The following CERS4 variants were observed in gnomAD, a reference collection of about 807,000 sequenced individuals.
The protein encoded by CERS4 is LAG1 homolog, ceramide synthase 4.
CERS4 carries 65 observed loss-of-function variants against 51.8 expected under a neutral mutation model. That is an observed-to-expected ratio of 1.26 (90% CI 1.03 to 1.54). The LOEUF (loss-of-function observed/expected upper bound fraction) is 1.54. Ranked by LOEUF, CERS4 falls within the 40% of genes most tolerant of loss-of-function variation. The probability of loss-of-function intolerance (pLI) is 0.00; values close to 1 mark genes in which losing one functional copy is unlikely to be tolerated. For synonymous variants in CERS4, 228 were observed against 208.4 expected, an observed-to-expected ratio of 1.09 and a Z score of -0.81; for missense variants, 563 against 500.4, an observed-to-expected ratio of 1.13 and a Z score of -1.19.
intron 3 of CERS4, among the ~76,000 whole-genome samples, 177 bp from the exon 4 acceptor site, chr19:8,254,322 C>CAAAAAAAAA (rs74176633): frequency 0.17 from 6,519 of 38,436 alleles, 1,988 homozygotes; most frequent in Middle Eastern, 0.36. Flanking sequence ...TACTCTGTCT[C>CAAAAAAAAA]AAAAAAAAAA....
At chr19:8,238,229 A>C (rs1348109089) in intron 2 of CERS4, among the ~76,000 whole-genome samples, 1 of 152,064 alleles carries the variant, frequency 6.6e-6, no homozygotes, top group African/African-American at 2.4e-5. Context: ...ACTTAGAGGC[A>C]GACTTGAATA....
At chr19:8,248,049 T>C (rs1968868260) in intron 2 of CERS4, among the ~76,000 whole-genome samples, 1 of 152,156 alleles carries the variant, frequency 6.6e-6, no homozygotes, top group Non-Finnish European at 1.5e-5. Flanking sequence ...ACCTCATCTT[T>C]AAGTCCCAGC....
intron 2 of CERS4, among the ~76,000 whole-genome samples, chr19:8,243,747 G>A (rs1296646956): frequency 6.6e-6 from 1 of 151,318 alleles, no homozygotes; most frequent in African/African-American, 2.4e-5. Context: ...GCCACTCACT[G>A]ACAAGTCCTA....
At chr19:8,245,754 GGTCTCA>G (rs1487362836) in intron 2 of CERS4, among the ~76,000 whole-genome samples, 3 of 151,470 alleles carry the variant, frequency 2.0e-5, no homozygotes, top group Non-Finnish European at 4.4e-5. Context: ...TGGCCAGGCT[GGTCTCA>G]AACTCCTGAT....
intron 5 of CERS4, 22 bp downstream of exon 5, chr19:8,255,747 T>C (rs1369349881): frequency 1.5e-6 from 2 of 1,317,304 alleles, no homozygotes; most frequent in Non-Finnish European, 1.0e-6. Flanking sequence ...ATGGGGCTTC[T>C]GGGGTGCAGG....
intron 2 of CERS4, among the ~76,000 whole-genome samples, chr19:8,218,446 C>CT (rs1296916103): frequency 1.3e-5 from 2 of 152,168 alleles, no homozygotes; most frequent in African/African-American, 4.8e-5. Context: ...AGCAACATTC[C>CT]TAAAATTGAA....
chr19:8,260,973 AAAAAC>A (rs1969664620), intron 10 of CERS4: 1 of 150,802 alleles, frequency 6.6e-6, no homozygotes, highest in Non-Finnish European at 1.5e-5. Flanking sequence ...AAAAAAAAAA[AAAAAC>A]AAGAACCACA....
intron 2 of CERS4, among the ~76,000 whole-genome samples, chr19:8,229,229 C>G (rs188719458): frequency 2.5e-4 from 38 of 152,130 alleles, no homozygotes; most frequent in Admixed American, 4.6e-4. Context: ...GGGAGCTGAG[C>G]TGGGAGTATC....
intron 2 of CERS4, among the ~76,000 whole-genome samples, chr19:8,219,508 T>A (rs964125749): frequency 2.6e-5 from 4 of 151,816 alleles, no homozygotes; most frequent in Non-Finnish European, 4.4e-5. Flanking sequence ...CTATAAAAAA[T>A]ATATATTTTA....
At chr19:8,244,080 A>G (rs766069008) in intron 2 of CERS4, among the ~76,000 whole-genome samples, 14 of 152,234 alleles carry the variant, frequency 9.2e-5, no homozygotes, top group Non-Finnish European at 1.9e-4. Context: ...AGACGGAGGC[A>G]GGAGAGACAC....
chr19:8,211,568 G>A (rs1010630142), intron 2 of CERS4, among the ~76,000 whole-genome samples: 1 of 152,164 alleles, frequency 6.6e-6, no homozygotes, highest in African/African-American at 2.4e-5. Context: ...AAAATATCAC[G>A]AGAATATCAC....
intron 2 of CERS4, among the ~76,000 whole-genome samples, chr19:8,244,732 T>G (rs1005674521): frequency 5.9e-5 from 9 of 152,128 alleles, no homozygotes; most frequent in Non-Finnish European, 1.5e-5. Context: ...ATTCTCCTGC[T>G]GGGAGTGTAA....
At chr19:8,239,126 G>A (rs567239894) in intron 2 of CERS4, among the ~76,000 whole-genome samples, 4 of 151,958 alleles carry the variant, frequency 2.6e-5, no homozygotes, top group Non-Finnish European at 5.9e-5. Context: ...TTGTGGCCAG[G>A]TGTGGTGGCT....
chr19:8,259,862 G>A (rs1969587163), intron 10 of CERS4, among the ~76,000 whole-genome samples: 2 of 152,152 alleles, frequency 1.3e-5, no homozygotes, highest in South Asian at 2.1e-4. Flanking sequence ...GAGAGTCTCA[G>A]TCCTCGGGCT....
chr19:8,247,364 A>G (rs1170486486), intron 2 of CERS4, among the ~76,000 whole-genome samples: 1 of 151,396 alleles, frequency 6.6e-6, no homozygotes, highest in Non-Finnish European at 1.5e-5. Context: ...CCTGCTGCGT[A>G]TTTATCTAGA....
At position 8,256,201 on chromosome 19, in the gene CERS4, C is replaced by CA. The variant is rs767750475; in HGVS notation, c.469-34dup. Reference sequence around the variant, plus strand: ...GACCCAGGGTGGGAGGTTGGATTCTCACCTCTGCACAGCCTGACACCCATT... The same window carrying CA: ...GACCCAGGGTGGGAGGTTGGATTCTCAACCTCTGCACAGCCTGACACCCATT... On this transcript the variant is annotated intron_variant, in intron 6 of 11. Coordinates refer to ENST00000251363, the MANE Select transcript of CERS4 (RefSeq NM_024552.3). 9.4e-6 allele frequency: 15 copies of CA among 1,597,430 alleles called. No homozygotes were observed. In the East Asian group the frequency reaches 3.4e-4, roughly 36 times the overall value.
intron 2 of CERS4, among the ~76,000 whole-genome samples, chr19:8,233,460 C>T (rs182860361): frequency 1.3e-4 from 20 of 152,104 alleles, no homozygotes; most frequent in Admixed American, 1.1e-3. Context: ...AGCCACCGTG[C>T]CTGGCCCAGG....
chr19:8,255,735 G>T lies in CERS4; in HGVS notation c.410+10G>T. On this transcript the variant is annotated intron_variant, in intron 5 of 11. Transcript: ENST00000251363. ...AGTTCTGTGAGGCCAGGTAAGCCCA[G>T]GATGGGGCTTCTGGGGTGCAGGGAA... 1 of 1,612,450 alleles carries T rather than the reference G, an allele frequency of 6.2e-7. No individual in the cohort carries two copies. Among genetic ancestry groups the T allele is most frequent in the Middle Eastern group, 1.7e-4 (1 of 6,022 alleles).
In CERS4 at chr19:8,251,262, C is replaced by G; in HGVS notation, c.173+13C>G. On this transcript the variant is annotated intron_variant, in intron 3 of 11. Coordinates refer to ENST00000251363, the MANE Select transcript of CERS4 (RefSeq NM_024552.3). ...TTGCCTTTGAGAGGTGAGTGTCTGC[C>G]CTGCCGCAATCCATTGCCCCCGCAG... 1 of 1,575,546 alleles carries G rather than the reference C, an allele frequency of 6.3e-7. No individual in the cohort carries two copies. The highest frequency in any genetic ancestry group is 8.6e-7 in the Non-Finnish European group (1 of 1,161,816).
Sources: allele counts gnomAD v4.1 joint callset (sites outside exome capture counted in the v4.1 genomes callset), GRCh38; gene constraint gnomAD v4.1.1; transcripts MANE v1.5; gene names NCBI Gene and HGNC (gene_info 2026-07-23, HGNC 2026-07-21).